Variants in BMP5 observed in about 807,000 individuals in gnomAD.
BMP5 encodes the protein bone morphogenetic protein 5.
A neutral mutation model predicts 46.6 loss-of-function variants in BMP5; 23 were observed. That is an observed-to-expected ratio of 0.49 (90% CI 0.35 to 0.70). The LOEUF (loss-of-function observed/expected upper bound fraction) is 0.70. Among genes scored for constraint, BMP5 ranks in the 30% least tolerant of loss-of-function variants. BMP5 has a pLI of 0.00. For missense variants in BMP5, 545 were observed against 565.6 expected (o/e 0.96, Z 0.37); for synonymous variants, 204 against 191.9 (o/e 1.06, Z -0.52).
At position 55,845,885 on chromosome 6, in the gene BMP5, C is replaced by A. The variant is rs554790951; in HGVS notation, c.491-26038G>T. 2.0e-5 allele frequency among the ~76,000 whole-genome samples: 3 copies of A among 152,106 alleles called. No homozygotes were observed. In the South Asian group the frequency reaches 6.2e-4, roughly 32 times the overall value. Reference sequence around the variant, plus strand: ...AGGAAGGTATTTGGGAACAAGAACACCAAATCCAATTTCTTCTCCATCCTG... The same window carrying A: ...AGGAAGGTATTTGGGAACAAGAACAACAAATCCAATTTCTTCTCCATCCTG... On this transcript the variant is annotated intron_variant, in intron 1 of 6. Transcript: ENST00000370830.
rs527434118 is a variant in BMP5, at chr6:55,846,734, T to C, written c.491-26887A>G. On this transcript the variant is annotated intron_variant, in intron 1 of 6. Transcript: ENST00000370830. The stretch of plus-strand genomic sequence containing the variant: ...GGGTTCTGACATCATGTCTCTTAAA[T>C]TTGAATATCTTCATTACTGGTAGAT... 5.3e-5 allele frequency among the ~76,000 whole-genome samples: 8 copies of C among 151,996 alleles called. No individual in the cohort carries two copies. The East Asian group carries it at 1.5e-3, about 29-fold the overall frequency.
In BMP5 at chr6:55,755,548, T is replaced by G; in HGVS notation, c.1350A>C (p.Ser450=). ...LKKYRNMVVR[S]CGCH ...TTATTTAATATTAGTGGCAGCCACATGAGCGTACTACCATATTTCTATATT... is the reference window on the plus strand; with the variant it reads ...TTATTTAATATTAGTGGCAGCCACAGGAGCGTACTACCATATTTCTATATT... Residue 450 remains serine, a synonymous_variant, in exon 7 of 7, where the codon TCA becomes TCC. Transcript: ENST00000370830. 6.2e-7 allele frequency: 1 copy of G among 1,610,502 alleles called. No homozygotes were observed. Among genetic ancestry groups the G allele is most frequent in the Non-Finnish European group, 8.5e-7 (1 of 1,177,460 alleles).
At chr6:55,772,032 G>A (rs562239193) in intron 4 of BMP5, among the ~76,000 whole-genome samples, 1 of 151,858 alleles carries the variant, frequency 6.6e-6, no homozygotes, top group East Asian at 1.9e-4. Context: ...CTATTGAAAG[G>A]TTAAGTCTTA....
At chr6:55,838,303 T>C (rs1444570035) in intron 1 of BMP5, among the ~76,000 whole-genome samples, 2 of 152,190 alleles carry the variant, frequency 1.3e-5, no homozygotes, top group Non-Finnish European at 1.5e-5. Context: ...CACAAGCGTT[T>C]GTTATTGCCT....
At chr6:55,831,337 C>T (rs1776659023) in intron 1 of BMP5, among the ~76,000 whole-genome samples, 1 of 152,004 alleles carries the variant, frequency 6.6e-6, no homozygotes. Flanking sequence ...CCAATTATTA[C>T]CAGATAGCTG....
chr6:55,863,718 T>C (rs1434779006), intron 1 of BMP5, among the ~76,000 whole-genome samples: 1 of 152,310 alleles, frequency 6.6e-6, no homozygotes, highest in Admixed American at 6.5e-5. Flanking sequence ...AGCTCAAAAA[T>C]TCCTATCATC....
At chr6:55,805,350 G>C (rs1775962805) in intron 2 of BMP5, among the ~76,000 whole-genome samples, 1 of 152,056 alleles carries the variant, frequency 6.6e-6, no homozygotes, top group South Asian at 2.1e-4. Flanking sequence ...CGTCATCAAA[G>C]TTTTAAGCCC....
chr6:55,811,622 T>C (rs1357323607), intron 2 of BMP5, among the ~76,000 whole-genome samples: 7 of 152,112 alleles, frequency 4.6e-5, no homozygotes, highest in Non-Finnish European at 1.0e-4. Flanking sequence ...ACATTTCTTC[T>C]GGCATACACC....
chr6:55,835,593 C>T (rs141276886), intron 1 of BMP5, among the ~76,000 whole-genome samples: 1 of 152,182 alleles, frequency 6.6e-6, no homozygotes, highest in Non-Finnish European at 1.5e-5. Context: ...GTAGACAGTA[C>T]TGTTGTGTTT....
chr6:55,866,746 A>G (rs1777648879), intron 1 of BMP5, among the ~76,000 whole-genome samples: 1 of 151,940 alleles, frequency 6.6e-6, no homozygotes. Flanking sequence ...CTTAATTTCA[A>G]TTTTCTCTAA....
At chr6:55,756,134 A>C (rs1004710746) in intron 6 of BMP5, among the ~76,000 whole-genome samples, 1 of 152,022 alleles carries the variant, frequency 6.6e-6, no homozygotes, top group Non-Finnish European at 1.5e-5. Flanking sequence ...GCAATAAATC[A>C]TACATTTTAA....
intron 2 of BMP5, among the ~76,000 whole-genome samples, chr6:55,814,191 T>C (rs938565445): frequency 1.3e-5 from 2 of 152,118 alleles, no homozygotes; most frequent in Non-Finnish European, 2.9e-5. Flanking sequence ...ACTAATTATT[T>C]ATTAAATAAA....
chr6:55,781,409 C>A (rs2127524260), intron 3 of BMP5, among the ~76,000 whole-genome samples: 1 of 152,144 alleles, frequency 6.6e-6, no homozygotes, highest in East Asian at 1.9e-4. Flanking sequence ...ACTTTAAAAA[C>A]TCTTTCTTTG....
At chr6:55,852,375 TCTC>T (rs1263039452) in intron 1 of BMP5, among the ~76,000 whole-genome samples, 5 of 152,120 alleles carry the variant, frequency 3.3e-5, no homozygotes, top group Non-Finnish European at 7.4e-5. Context: ...ATATTTCATC[TCTC>T]TTTTCTCATT....
intron 2 of BMP5, among the ~76,000 whole-genome samples, chr6:55,818,931 T>C (rs1562053427): frequency 6.7e-6 from 1 of 149,816 alleles, no homozygotes; most frequent in Non-Finnish European, 1.5e-5. Flanking sequence ...GAGAGATAGA[T>C]AGATAGATAG....
chr6:55,816,941 C>T (rs1303595038), intron 2 of BMP5, among the ~76,000 whole-genome samples: 3 of 152,052 alleles, frequency 2.0e-5, no homozygotes, highest in East Asian at 3.9e-4. Flanking sequence ...GGGCGAAGGA[C>T]ATGAACAGAC....
chr6:55,852,567 C>A (rs905089590), intron 1 of BMP5, among the ~76,000 whole-genome samples: 1 of 151,992 alleles, frequency 6.6e-6, no homozygotes, highest in African/African-American at 2.4e-5. Context: ...TCTGAGTGCT[C>A]TTTACATAGA....
chr6:55,830,361 G>C (rs896122716), intron 1 of BMP5, among the ~76,000 whole-genome samples: 6 of 152,048 alleles, frequency 3.9e-5, no homozygotes, highest in Non-Finnish European at 7.4e-5. Flanking sequence ...CACATGAACA[G>C]TCTCATATTT....
At chr6:55,866,358 C>G (rs1777639618) in intron 1 of BMP5, among the ~76,000 whole-genome samples, 1 of 152,176 alleles carries the variant, frequency 6.6e-6, no homozygotes. Flanking sequence ...CACAGATGGT[C>G]TGCCAGAGGA....
Sources: allele counts gnomAD v4.1 joint callset (sites outside exome capture counted in the v4.1 genomes callset), GRCh38; gene constraint gnomAD v4.1.1; transcripts MANE v1.5; gene names NCBI Gene and HGNC (gene_info 2026-07-23, HGNC 2026-07-21).